SCAPER: variants seen among roughly 807,000 people sequenced by gnomAD.
SCAPER encodes S phase cyclin A-associated protein in the endoplasmic reticulum.
In SCAPER, 98 loss-of-function variants were observed where a neutral mutation model predicts 182.2. That is an observed-to-expected ratio of 0.54 (90% confidence interval 0.46 to 0.64). The LOEUF is 0.64. Among genes scored for constraint, SCAPER ranks in the 30% least tolerant of loss-of-function variants. The pLI is 0.00. For synonymous variants in SCAPER, 605 were observed against 564.6 expected (o/e 1.07, Z -1.01); for missense variants, 1,432 against 1,690.0 (o/e 0.85, Z 2.68).
intron 21 of SCAPER, among the ~76,000 whole-genome samples, chr15:76,630,328 T>C (rs1470855663): frequency 6.6e-6 from 1 of 152,162 alleles, no homozygotes; most frequent in East Asian, 1.9e-4. Context: ...GGTTATTTCT[T>C]TTCTTCTCCT....
At chr15:76,875,825 C>A (rs553750499) in intron 2 of SCAPER, among the ~76,000 whole-genome samples, 1 of 152,286 alleles carries the variant, frequency 6.6e-6, no homozygotes, top group South Asian at 2.1e-4. Flanking sequence ...GCAGTGTGGA[C>A]CCAAAGAGTG....
chr15:76,812,253 G>A (rs2066680838), intron 5 of SCAPER, among the ~76,000 whole-genome samples: 2 of 152,110 alleles, frequency 1.3e-5, no homozygotes, highest in African/African-American at 2.4e-5. Flanking sequence ...GGCAGAAGTT[G>A]CAGTGAGCCA....
chr15:76,557,608 T>G (rs932050121), intron 23 of SCAPER, among the ~76,000 whole-genome samples: 8 of 152,194 alleles, frequency 5.3e-5, no homozygotes, highest in African/African-American at 1.9e-4. Context: ...GTGAAGTGCC[T>G]GCTCCCCCTT....
intron 26 of SCAPER, among the ~76,000 whole-genome samples, chr15:76,418,291 T>G (rs2045796952): frequency 6.6e-6 from 1 of 152,166 alleles, no homozygotes; most frequent in Non-Finnish European, 1.5e-5. Context: ...CTGCTGGCAT[T>G]AGCTCAGAGT....
intron 8 of SCAPER, among the ~76,000 whole-genome samples, chr15:76,790,822 T>C (rs1454759785): frequency 6.6e-6 from 1 of 152,200 alleles, no homozygotes; most frequent in Non-Finnish European, 1.5e-5. Flanking sequence ...TTCTCACCTA[T>C]AGTTTATTTC....
chr15:76,355,066 A>T (rs895188905), intron 29 of SCAPER, among the ~76,000 whole-genome samples: 3 of 152,276 alleles, frequency 2.0e-5, no homozygotes, highest in Non-Finnish European at 2.9e-5. Context: ...TTTTACAGGT[A>T]CACACCCAGA....
intron 22 of SCAPER, among the ~76,000 whole-genome samples, chr15:76,576,238 C>T (rs1006555813): frequency 6.6e-6 from 1 of 152,086 alleles, no homozygotes; most frequent in East Asian, 1.9e-4. Flanking sequence ...GTGGCGTGCA[C>T]CTGTAGTCCT....
At chr15:76,585,532 A>C (rs1364925602) in intron 22 of SCAPER, among the ~76,000 whole-genome samples, 1 of 152,142 alleles carries the variant, frequency 6.6e-6, no homozygotes, top group African/African-American at 2.4e-5. Flanking sequence ...ATAGCAACAG[A>C]TATATATGAA....
At chr15:76,886,197 C>T (rs1414778154) in intron 1 of SCAPER, among the ~76,000 whole-genome samples, 2 of 152,150 alleles carry the variant, frequency 1.3e-5, no homozygotes, top group East Asian at 3.8e-4. Flanking sequence ...ATAAAACTCA[C>T]AACCGGGCAC....
intron 3 of SCAPER, among the ~76,000 whole-genome samples, chr15:76,859,397 A>G (rs886790824): frequency 6.6e-6 from 1 of 152,218 alleles, no homozygotes; most frequent in African/African-American, 2.4e-5. Context: ...CAGCAGAAAA[A>G]CCAGCTTAGA....
intron 29 of SCAPER, among the ~76,000 whole-genome samples, chr15:76,367,957 G>A (rs1261533683): frequency 6.6e-6 from 1 of 152,036 alleles, no homozygotes; most frequent in Non-Finnish European, 1.5e-5. Context: ...ATAATATTGA[G>A]AGTAACTTGG....
At chr15:76,548,641 T>G (rs1206183456) in intron 23 of SCAPER, among the ~76,000 whole-genome samples, 1 of 152,116 alleles carries the variant, frequency 6.6e-6, no homozygotes, top group Non-Finnish European at 1.5e-5. Flanking sequence ...TAGTTTTTGT[T>G]GCTATTACAA....
intron 5 of SCAPER, among the ~76,000 whole-genome samples, chr15:76,829,303 G>A (rs1463410108): frequency 6.6e-6 from 1 of 152,120 alleles, no homozygotes; most frequent in African/African-American, 2.4e-5. Flanking sequence ...TGGGGACTCA[G>A]GAAAGGTGGG....
chr15:76,642,717 C>A (rs998212288), intron 21 of SCAPER, among the ~76,000 whole-genome samples: 1 of 152,152 alleles, frequency 6.6e-6, no homozygotes, highest in Non-Finnish European at 1.5e-5. Flanking sequence ...AATCTGCATT[C>A]AAGATTCCTT....
chr15:76,438,434 A>G (rs1311732672), intron 25 of SCAPER, among the ~76,000 whole-genome samples: 1 of 152,164 alleles, frequency 6.6e-6, no homozygotes, highest in Non-Finnish European at 1.5e-5. Context: ...GCTCAATGTA[A>G]AGCAAATCAG....
rs77236289 is a variant in SCAPER at position 76,695,841 on chromosome 15, A to C, written c.2508+5917T>G. On this transcript the variant is annotated intron_variant, in intron 20 of 31. Coordinates refer to ENST00000563290, the MANE Select transcript of SCAPER (RefSeq NM_020843.4). ...CACATACATTTACACACACACACAC[A>C]CCCCATAAAATTCTTCCCATACTAT... Among the ~76,000 whole-genome samples the C allele has an allele frequency of 9.5e-3, 1,438 of 152,098 alleles. 17 individuals are homozygous for C. The highest frequency in any genetic ancestry group is 0.03 in the African/African-American group (1,240 of 41,496).
chr15:76,537,372 A>G (rs1228017076), intron 23 of SCAPER, among the ~76,000 whole-genome samples: 3 of 152,204 alleles, frequency 2.0e-5, no homozygotes, highest in Non-Finnish European at 4.4e-5. Context: ...AAACAGAGAT[A>G]CAGATCAATG....
At position 76,434,994 on chromosome 15, in the gene SCAPER, A is replaced by C. The variant is rs76626816; in HGVS notation, c.3079-684T>G. On this transcript the variant is annotated intron_variant, in intron 25 of 31. Coordinates refer to ENST00000563290, the MANE Select transcript of SCAPER (RefSeq NM_020843.4). ...ATGGGACAATATTTGGTAAAATATT[A>C]AATTCCACAAATGTACTTACTTGGT... is the stretch of plus-strand genomic sequence containing the variant. Among the ~76,000 whole-genome samples, 787 of 152,360 alleles carry C rather than the reference A, an allele frequency of 5.2e-3. 5 individuals carry two copies. Among genetic ancestry groups the C allele is most frequent in the Non-Finnish European group, 8.4e-3 (573 of 68,032 alleles).
intron 5 of SCAPER, among the ~76,000 whole-genome samples, chr15:76,807,772 G>A (rs932634788): frequency 6.9e-6 from 1 of 145,428 alleles, no homozygotes; most frequent in Non-Finnish European, 1.5e-5. Context: ...TCGAAAAATC[G>A]CTAAAGTTGG....
Sources: gnomAD v4.1 joint callset for allele counts (sites outside exome capture counted in the v4.1 genomes callset) on GRCh38, gnomAD v4.1.1 for gene constraint, MANE v1.5 for transcripts, NCBI Gene and HGNC (gene_info 2026-07-23, HGNC 2026-07-21) for gene names.